Variants in CACNG4 observed in about 807,000 individuals in gnomAD.
The protein encoded by CACNG4 is voltage-dependent calcium channel gamma-4 subunit.
In CACNG4, 8 loss-of-function variants were observed where a neutral mutation model predicts 22.9. The observed-to-expected ratio is 0.35, with a 90% CI of 0.21 to 0.63. The LOEUF is 0.63. Among genes scored for constraint, CACNG4 ranks in the 30% least tolerant of loss-of-function variants. CACNG4 has a pLI of 0.72. For synonymous variants in CACNG4, 188 were observed against 191.9 expected, an observed-to-expected ratio of 0.98 and a Z score of 0.17; for missense variants, 357 against 455.4, an observed-to-expected ratio of 0.78 and a Z score of 1.97.
chr17:66,988,450 A>T (rs1015295906), intron 1 of CACNG4, among the ~76,000 whole-genome samples: 4 of 152,168 alleles, frequency 2.6e-5, no homozygotes, highest in African/African-American at 9.7e-5. Context: ...TTTTCTTGGA[A>T]ATCCAGCTCC....
At chr17:66,994,141 G>A (rs972355197) in intron 1 of CACNG4, among the ~76,000 whole-genome samples, 2 of 152,034 alleles carry the variant, frequency 1.3e-5, no homozygotes, top group Non-Finnish European at 2.9e-5. Flanking sequence ...GACCAGCCTG[G>A]GCAACATGGT....
intron 1 of CACNG4, among the ~76,000 whole-genome samples, chr17:67,002,420 G>A (rs2035413657): frequency 6.6e-6 from 1 of 152,062 alleles, no homozygotes; most frequent in Non-Finnish European, 1.5e-5. Context: ...GGGAGGTGGT[G>A]AGAGGGATCT....
intron 1 of CACNG4, among the ~76,000 whole-genome samples, chr17:67,007,244 A>C (rs2035443271): frequency 6.6e-6 from 1 of 152,202 alleles, no homozygotes; most frequent in Admixed American, 6.5e-5. Context: ...ATGACTCTAA[A>C]CTATCAAAAA....
In CACNG4 at chr17:67,007,057, C is replaced by T. The variant is rs1313844827; in HGVS notation, c.221-11132C>T. Among the ~76,000 whole-genome samples, 4 of 152,140 alleles carry T rather than the reference C, an allele frequency of 2.6e-5. No homozygotes were observed. In the East Asian group the frequency reaches 7.7e-4, roughly 29 times the overall value. ...AGGCATGGTGGCCGGTGCCTATAGT[C>T]CCAGCTACTCAGGAGGCTGAGGCAT... is the stretch of plus-strand genomic sequence containing the variant. On this transcript the variant is annotated intron_variant, in intron 1 of 3. Transcript: ENST00000262138.
chr17:66,982,940 G>A (rs534073831), intron 1 of CACNG4, among the ~76,000 whole-genome samples: 2 of 152,272 alleles, frequency 1.3e-5, no homozygotes, highest in Non-Finnish European at 2.9e-5. Context: ...TTAATCCTCC[G>A]CCAGCCTGTG....
intron 1 of CACNG4, among the ~76,000 whole-genome samples, chr17:67,013,223 C>T (rs1411495541): frequency 6.6e-6 from 1 of 152,108 alleles, no homozygotes; most frequent in African/African-American, 2.4e-5. Flanking sequence ...AAATGCTGCC[C>T]ACACACCCTC....
chr17:66,974,462 C>T (rs2035223818), intron 1 of CACNG4, among the ~76,000 whole-genome samples: 1 of 152,142 alleles, frequency 6.6e-6, no homozygotes, highest in Non-Finnish European at 1.5e-5. Flanking sequence ...AGTTCAAAAC[C>T]CCAGTTTCCA....
intron 1 of CACNG4, among the ~76,000 whole-genome samples, chr17:66,968,052 C>G (rs2035181051): frequency 6.6e-6 from 1 of 152,212 alleles, no homozygotes; most frequent in Admixed American, 6.5e-5. Context: ...TACCGCGTGG[C>G]CTGCCCATGA....
In CACNG4 at chr17:67,030,155, GTGTGT is replaced by G. The variant is rs746877454; in HGVS notation, c.446-310_446-306del. 9.8e-3 allele frequency among the ~76,000 whole-genome samples: 1,069 copies of G among 109,200 alleles called. 22 individuals carry two copies. The highest frequency in any genetic ancestry group is 0.061 in the African/African-American group (1,036 of 17,070). 71.6% of individuals were successfully genotyped at this position (109,200 alleles called of 152,430 possible). On this transcript the variant is annotated intron_variant, in intron 3 of 3. Coordinates refer to ENST00000262138, the MANE Select transcript of CACNG4 (RefSeq NM_014405.4). This position sits in a 1 kb window ranked among gnomAD's most constrained non-coding sequence, Gnocchi z 6.4. ...ACTGTGCAAAGGAAATAATAGGGGT[GTGTGT>G]GTGTGTGTGTGTGAAGAGAGAAATT... is the stretch of plus-strand genomic sequence containing the variant.
At chr17:67,014,952 A>G (rs1019675049) in intron 1 of CACNG4, among the ~76,000 whole-genome samples, 7 of 151,364 alleles carry the variant, frequency 4.6e-5, no homozygotes, top group East Asian at 1.9e-4. Context: ...ACAAAAAAAA[A>G]AAAAAAAGAA....
chr17:67,015,869 C>G (rs1195144529), intron 1 of CACNG4, among the ~76,000 whole-genome samples: 2 of 152,140 alleles, frequency 1.3e-5, no homozygotes, highest in African/African-American at 2.4e-5. Flanking sequence ...GTCTCACCCA[C>G]CCACAGCTGG....
intron 1 of CACNG4, among the ~76,000 whole-genome samples, chr17:66,970,160 G>C (rs1038468793): frequency 2.0e-5 from 3 of 152,206 alleles, no homozygotes; most frequent in African/African-American, 7.2e-5. Context: ...AGAAAATGAG[G>C]CTTAAGACGT....
chr17:66,975,177 G>T (rs7225701), intron 1 of CACNG4, among the ~76,000 whole-genome samples: 3,927 of 152,114 alleles, frequency 0.026, 150 homozygotes, highest in African/African-American at 0.09. Flanking sequence ...CTCAAGCCCA[G>T]CTCCAGACAG....
intron 1 of CACNG4, among the ~76,000 whole-genome samples, chr17:66,998,814 G>T (rs1045390154): frequency 2.6e-5 from 4 of 152,184 alleles, no homozygotes; most frequent in Admixed American, 1.3e-4. Context: ...TCTCACATGA[G>T]CCCCTTTCCA....
chr17:66,998,291 T>C (rs940627271), intron 1 of CACNG4, among the ~76,000 whole-genome samples: 2 of 152,152 alleles, frequency 1.3e-5, no homozygotes, highest in Admixed American at 6.5e-5. Context: ...GGTGCAGTCA[T>C]GGCTCACTGC....
intron 1 of CACNG4, among the ~76,000 whole-genome samples, chr17:67,007,448 A>T (rs2143336535): frequency 6.6e-6 from 1 of 152,296 alleles, no homozygotes; most frequent in Admixed American, 6.5e-5. Flanking sequence ...CACTCATGAC[A>T]TCATCACGAT....
At chr17:66,969,055 A>G (rs2035188585) in intron 1 of CACNG4, among the ~76,000 whole-genome samples, 1 of 152,156 alleles carries the variant, frequency 6.6e-6, no homozygotes, top group Admixed American at 6.5e-5. Context: ...AGGTTTATCA[A>G]AGGCATCACC....
At chr17:66,979,522 G>T (rs1598103868) in intron 1 of CACNG4, among the ~76,000 whole-genome samples, 1 of 152,142 alleles carries the variant, frequency 6.6e-6, no homozygotes, top group African/African-American at 2.4e-5. Context: ...GCTTTATCAA[G>T]CTGGGAACAA....
intron 1 of CACNG4, among the ~76,000 whole-genome samples, chr17:66,991,420 A>G (rs2035339891): frequency 6.6e-6 from 1 of 152,162 alleles, no homozygotes; most frequent in Non-Finnish European, 1.5e-5. Context: ...AGATCCCATA[A>G]GAGGAGTGCC....
Sources: allele counts gnomAD v4.1 joint callset (sites outside exome capture counted in the v4.1 genomes callset), GRCh38; gene constraint gnomAD v4.1.1; non-coding constraint Gnocchi (gnomAD v3.1); transcripts MANE v1.5; gene names NCBI Gene and HGNC (gene_info 2026-07-23, HGNC 2026-07-21).